Variants in VIT observed in about 807,000 individuals in gnomAD.
VIT encodes the protein vitrin.
In VIT, 99 loss-of-function variants were observed where a neutral mutation model predicts 78.0. The ratio of observed to expected loss-of-function variants is 1.27; its 90% CI spans 1.08 to 1.50. The LOEUF is 1.50. VIT is among the 40% of genes most tolerant of loss of function. The pLI is 0.00. For missense variants in VIT, 1,126 were observed against 875.3 expected (o/e 1.29, Z -3.61); for synonymous variants, 374 against 334.3 (o/e 1.12, Z -1.29).
chr2:36,730,828 C>G (rs66497336), intron 3 of VIT, among the ~76,000 whole-genome samples: 27,707 of 152,148 alleles, frequency 0.18, 2,663 homozygotes, highest in East Asian at 0.28. Flanking sequence ...GTGAAAGTCC[C>G]TAATGTGGCT....
At chr2:36,802,501 G>A (rs1032240271) in intron 13 of VIT, among the ~76,000 whole-genome samples, 4 of 152,150 alleles carry the variant, frequency 2.6e-5, no homozygotes, top group African/African-American at 4.8e-5. Context: ...TCTCTATAGT[G>A]ACCAGAACAT....
At chr2:36,739,589 G>A (rs1667710240) in intron 3 of VIT, among the ~76,000 whole-genome samples, 1 of 152,152 alleles carries the variant, frequency 6.6e-6, no homozygotes, top group Non-Finnish European at 1.5e-5. Flanking sequence ...GTTCGATCTG[G>A]TTTGCAGGTG....
chr2:36,719,186 C>T (rs1655011246), intron 2 of VIT, among the ~76,000 whole-genome samples: 1 of 152,174 alleles, frequency 6.6e-6, no homozygotes, highest in African/African-American at 2.4e-5. Flanking sequence ...GACTCCTATA[C>T]CTCAACACAA....
intron 12 of VIT, among the ~76,000 whole-genome samples, chr2:36,793,956 G>A (rs989632931): frequency 2.6e-5 from 4 of 152,116 alleles, no homozygotes; most frequent in African/African-American, 4.8e-5. Flanking sequence ...CGAGCCCCAT[G>A]GATTTTCTTT....
intron 12 of VIT, among the ~76,000 whole-genome samples, chr2:36,791,111 T>G: frequency 6.6e-6 from 1 of 152,182 alleles, no homozygotes; most frequent in East Asian, 1.9e-4. Flanking sequence ...TGGAAACAGT[T>G]GTGGGATGAA....
At chr2:36,780,594 T>G (rs1300776640) in intron 9 of VIT, among the ~76,000 whole-genome samples, 1 of 152,198 alleles carries the variant, frequency 6.6e-6, no homozygotes, top group Non-Finnish European at 1.5e-5. Flanking sequence ...ACCTGGTTAA[T>G]GACCGAACTA....
rs566080680 is a variant in VIT at position 36,699,529 on chromosome 2, T to TATATATAC, written c.-19+2557_-19+2558insTATATACA. Among the ~76,000 whole-genome samples the TATATATAC allele has an allele frequency of 2.0e-4, 31 of 151,664 alleles. No homozygotes were observed. In the East Asian group the frequency reaches 4.1e-3, roughly 20 times the overall value. The stretch of plus-strand genomic sequence containing the variant: ...AATTAGAGGGGGTTATATATATATA[T>TATATATAC]ACACACACATATATATAGATGTCTC... On this transcript the variant is annotated intron_variant, in intron 1 of 15. Coordinates refer to ENST00000379242, the MANE Select transcript of VIT (RefSeq NM_053276.4).
intron 4 of VIT, among the ~76,000 whole-genome samples, chr2:36,745,040 C>CAA (rs1668054618): frequency 6.6e-6 from 1 of 152,078 alleles, no homozygotes; most frequent in Non-Finnish European, 1.5e-5. Flanking sequence ...ATATGGATAG[C>CAA]CAGTTATCCC....
intron 4 of VIT, among the ~76,000 whole-genome samples, chr2:36,750,910 A>T (rs578195716): frequency 6.6e-6 from 1 of 152,300 alleles, no homozygotes; most frequent in South Asian, 2.1e-4. Context: ...TCATGAGGTT[A>T]TTGTTAGCAT....
In VIT at chr2:36,792,170, A is replaced by G. The variant is rs557883297; in HGVS notation, c.1058+4894A>G. 7.2e-5 allele frequency among the ~76,000 whole-genome samples: 11 copies of G among 152,230 alleles called. No homozygotes were observed. In the South Asian group the frequency reaches 2.3e-3, roughly 32 times the overall value. On this transcript the variant is annotated intron_variant, in intron 12 of 15. Transcript: ENST00000379242. Reference sequence around the variant, plus strand: ...ATGAGACCCAGAGCTTGGTATTTTAATCTGTAATTCTCAAGATCTCAGAAC... The same window carrying G: ...ATGAGACCCAGAGCTTGGTATTTTAGTCTGTAATTCTCAAGATCTCAGAAC...
At chr2:36,711,566 C>G (rs1665799601) in intron 1 of VIT, among the ~76,000 whole-genome samples, 1 of 152,138 alleles carries the variant, frequency 6.6e-6, no homozygotes, top group Non-Finnish European at 1.5e-5. Flanking sequence ...TGTGCATACT[C>G]CACATCCTGC....
intron 1 of VIT, among the ~76,000 whole-genome samples, chr2:36,697,582 A>C (rs1040621795): frequency 2.6e-5 from 4 of 152,248 alleles, no homozygotes; most frequent in Non-Finnish European, 4.4e-5. Flanking sequence ...GGCATTGTTA[A>C]GTCTGCCATC....
At chr2:36,806,623 T>G (rs1386725685) in intron 14 of VIT, among the ~76,000 whole-genome samples, 4 of 152,218 alleles carry the variant, frequency 2.6e-5, no homozygotes, top group Non-Finnish European at 5.9e-5. Flanking sequence ...CTCGGCTCAC[T>G]GCAGTCTCCG....
intron 15 of VIT, among the ~76,000 whole-genome samples, chr2:36,809,332 A>G (rs1039652142): frequency 1.5e-4 from 23 of 152,354 alleles, no homozygotes; most frequent in African/African-American, 4.6e-4. Context: ...CTTTACCTCT[A>G]TTAAAAACAC....
At position 36,808,908 on chromosome 2, in the gene VIT, G is replaced by C. The variant is rs1423441359; in HGVS notation, c.1826G>C (p.Arg609Thr). 6.2e-7 allele frequency: 1 copy of C among 1,614,038 alleles called. No homozygotes were observed. The highest frequency in any genetic ancestry group is 8.5e-7 in the Non-Finnish European group (1 of 1,179,946). ...TTCAAGAAGTCCAAGCCCAACAAGA[G>C]GAAGTTAATGATCCTCATCACCGAC... ...QLFKKSKPNK[R>T]KLMILITDGR... is the part of the protein sequence containing the mutation. Residue 609 changes from arginine (R) to threonine (T), a missense_variant, in exon 15 of 16, where the codon AGG becomes ACG. By Grantham distance (71) the Arg-to-Thr change is moderately conservative (BLOSUM62 -1). Transcript: ENST00000379242.
At chr2:36,742,419 G>C (rs1418599223) in intron 3 of VIT, among the ~76,000 whole-genome samples, 1 of 152,150 alleles carries the variant, frequency 6.6e-6, no homozygotes, top group African/African-American at 2.4e-5. Context: ...CAAGCGTTCA[G>C]GCAGATAAGA....
chr2:36,773,732 A>AT (rs1669892318), intron 7 of VIT, 59 bp from the exon 8 acceptor site: 4 of 1,264,388 alleles, frequency 3.2e-6, no homozygotes, highest in African/African-American at 1.5e-5. Context: ...TCAAAAATAA[A>AT]TAAATTAATT....
chr2:36,744,096 A>G (rs1667995213), intron 4 of VIT, among the ~76,000 whole-genome samples: 1 of 152,176 alleles, frequency 6.6e-6, no homozygotes, highest in African/African-American at 2.4e-5. Context: ...CACTTAGGAT[A>G]ATGGCCTCCA....
chr2:36,806,934 C>G, intron 14 of VIT, among the ~76,000 whole-genome samples: 1 of 152,148 alleles, frequency 6.6e-6, no homozygotes, highest in East Asian at 1.9e-4. Context: ...GATGTTCTAC[C>G]AGAACCTTAA....
Sources: gnomAD v4.1 joint callset for allele counts (sites outside exome capture counted in the v4.1 genomes callset) on GRCh38, gnomAD v4.1.1 for gene constraint, MANE v1.5 for transcripts, NCBI Gene and HGNC (gene_info 2026-07-23, HGNC 2026-07-21) for gene names.